The following PSMA1 variants were observed in gnomAD, a reference collection of about 807,000 sequenced individuals.
PSMA1 encodes the protein proteasome 20S subunit alpha 1.
PSMA1 carries 3 observed loss-of-function variants against 38.4 expected under a neutral mutation model. The observed-to-expected ratio is 0.08, with a 90% CI of 0.04 to 0.20. PSMA1 has a LOEUF of 0.20. Among genes scored for constraint, PSMA1 ranks in the 10% least tolerant of loss-of-function variants. The pLI, the probability that PSMA1 is intolerant of heterozygous loss-of-function variation, is 1.00. For synonymous variants in PSMA1, 101 were observed against 107.1 expected (o/e 0.94, Z 0.35); for missense variants, 227 against 325.3 (o/e 0.70, Z 2.32).
At chr11:14,592,390 A>C (rs1400374082) in intron 2 of PSMA1, among the ~76,000 whole-genome samples, 6 of 138,992 alleles carry the variant, frequency 4.3e-5, no homozygotes, top group African/African-American at 1.1e-4. Context: ...ATATATATAT[A>C]TATATTTTTT....
rs1238094171 is a variant in PSMA1, at chr11:14,505,130, A to G, written c.*62T>C. 1 of 1,400,744 alleles carries G rather than the reference A, an allele frequency of 7.1e-7. No individual in the cohort carries two copies. Among genetic ancestry groups the G allele is most frequent in the East Asian group, 2.3e-5 (1 of 43,798 alleles). The allele number at this position is 1,400,744 out of a possible 1,614,324, so 86.8% of individuals were successfully genotyped here. A position where few individuals can be genotyped will look rare whatever the true frequency, so the allele number is the denominator to read the frequency against. ...TTGGTTCAAAGTATAGATTATTGTC[A>G]TCAGTATGTGGTGCCTGTATTCTTA... On this transcript the variant is annotated 3_prime_UTR_variant, in exon 10 of 10. Coordinates refer to ENST00000396394, the MANE Select transcript of PSMA1 (RefSeq NM_002786.4).
At chr11:14,513,939 T>A in intron 5 of PSMA1, 52 bp from the exon 6 acceptor site, 1 of 1,520,754 alleles carries the variant, frequency 6.6e-7, no homozygotes, top group Non-Finnish European at 8.8e-7. Flanking sequence ...ACTGTCTTTA[T>A]TTTCAAATTA....
intron 2 of PSMA1, among the ~76,000 whole-genome samples, chr11:14,542,170 A>C (rs1428411508): frequency 6.6e-6 from 1 of 152,218 alleles, no homozygotes; most frequent in African/African-American, 2.4e-5. Context: ...ATTACAGAAT[A>C]AAAATTATAA....
At chr11:14,532,376 G>A (rs1043542774) in intron 2 of PSMA1, among the ~76,000 whole-genome samples, 31 of 150,990 alleles carry the variant, frequency 2.1e-4, no homozygotes, top group African/African-American at 6.5e-4. Context: ...AGGCCAAGGC[G>A]GGCAGATCTC....
chr11:14,543,748 T>A (rs549746072), intron 2 of PSMA1, among the ~76,000 whole-genome samples: 2 of 152,220 alleles, frequency 1.3e-5, no homozygotes, highest in Non-Finnish European at 2.9e-5. Flanking sequence ...ACAATGTACA[T>A]CAGGTCCTTG....
intron 2 of PSMA1, among the ~76,000 whole-genome samples, chr11:14,566,764 T>TAA (rs5789842): frequency 0.12 from 18,037 of 152,050 alleles, 1,275 homozygotes; most frequent in African/African-American, 0.2. Flanking sequence ...AAACCATGAA[T>TAA]AAACAGGAGC....
intron 2 of PSMA1, among the ~76,000 whole-genome samples, chr11:14,546,974 A>G (rs1320192159): frequency 6.6e-6 from 1 of 152,248 alleles, no homozygotes; most frequent in African/African-American, 2.4e-5. Flanking sequence ...GTGCTAATAT[A>G]CACATGGTGA....
intron 2 of PSMA1, among the ~76,000 whole-genome samples, chr11:14,571,038 T>C (rs1189493973): frequency 6.6e-6 from 1 of 151,830 alleles, no homozygotes; most frequent in Non-Finnish European, 1.5e-5. Context: ...CAGAAGAGAG[T>C]GGGGGCCAAT....
upstream of PSMA1, among the ~76,000 whole-genome samples, chr11:14,523,792 A>G (rs1258219627): frequency 6.6e-6 from 1 of 151,392 alleles, no homozygotes; most frequent in Non-Finnish European, 1.5e-5. Flanking sequence ...TTTGTTGCCC[A>G]GGTTGGTCTC....
At position 14,534,820 on chromosome 11, in the gene PSMA1, G is replaced by T. The variant is rs186577219; in HGVS notation, c.22-15779C>A. Among the ~76,000 whole-genome samples, 31 of 152,262 alleles carry T rather than the reference G, an allele frequency of 2.0e-4. No individual in the cohort carries two copies. The highest frequency in any genetic ancestry group is 4.6e-4 in the Admixed American group (7 of 15,296). On this transcript the variant is annotated intron_variant, in intron 2 of 10. Transcript: ENST00000418988. This position sits in a 1 kb window ranked among gnomAD's most constrained non-coding sequence, Gnocchi z 4.5. The stretch of plus-strand genomic sequence containing the variant: ...TAGGAGGCCAGGTGCGGTGGCTCAC[G>T]CCTGTAATCCCAGCACTTTGGGAGG...
At position 14,526,719 on chromosome 11, in the gene PSMA1, A is replaced by AC. The variant is rs577153179; in HGVS notation, c.22-7679dup. 1.2e-4 allele frequency among the ~76,000 whole-genome samples: 18 copies of AC among 151,816 alleles called. No homozygotes were observed. In the South Asian group the frequency reaches 3.8e-3, roughly 32 times the overall value. On this transcript the variant is annotated intron_variant, in intron 2 of 10. Transcript: ENST00000418988. ...CACATTATTCTGGATACCACACCTG[A>AC]CCCCCATGACTGTATCTCTCTGATG...
chr11:14,520,271 C>T, intron 1 of PSMA1, 26 bp downstream of exon 1: 1 of 1,614,048 alleles, frequency 6.2e-7, no homozygotes, highest in Non-Finnish European at 8.5e-7. Flanking sequence ...TGCCCTAAAC[C>T]TTCCAGAGAT....
At chr11:14,559,459 TGG>T (rs1851983679) in intron 2 of PSMA1, among the ~76,000 whole-genome samples, 1 of 152,174 alleles carries the variant, frequency 6.6e-6, no homozygotes, top group South Asian at 2.1e-4. Flanking sequence ...TAGTTCACAA[TGG>T]GTGCGGGCAG....
intron 2 of PSMA1, among the ~76,000 whole-genome samples, chr11:14,597,474 AG>A (rs1265340156): frequency 6.6e-6 from 1 of 152,042 alleles, no homozygotes; most frequent in African/African-American, 2.4e-5. Context: ...TAGTCTTGGG[AG>A]GGTGTATGTG....
intron 2 of PSMA1, among the ~76,000 whole-genome samples, chr11:14,583,760 G>A (rs572962089): frequency 3.3e-5 from 5 of 152,146 alleles, no homozygotes; most frequent in African/African-American, 4.8e-5. Context: ...AAAAGTAGAC[G>A]TTTAAAAATA....
intron 2 of PSMA1, among the ~76,000 whole-genome samples, chr11:14,580,111 A>T (rs181214127): frequency 1.7e-4 from 26 of 152,336 alleles, no homozygotes; most frequent in African/African-American, 6.3e-4. Context: ...TCTGCAATAC[A>T]AATGTAATCA....
At chr11:14,594,436 T>C (rs1224853670) in intron 2 of PSMA1, among the ~76,000 whole-genome samples, 1 of 152,142 alleles carries the variant, frequency 6.6e-6, no homozygotes, top group East Asian at 1.9e-4. Context: ...GGTTCAGCTT[T>C]ACATTTCCAT....
intron 1 of PSMA1, among the ~76,000 whole-genome samples, chr11:14,642,775 T>C (rs539197616): frequency 6.6e-6 from 1 of 152,286 alleles, no homozygotes; most frequent in Admixed American, 6.5e-5. Context: ...GTTCTTTTCT[T>C]CTCGCTTTCA....
chr11:14,532,847 C>T (rs1290383217), intron 2 of PSMA1, among the ~76,000 whole-genome samples: 1 of 146,096 alleles, frequency 6.8e-6, no homozygotes, highest in Non-Finnish European at 1.5e-5. Flanking sequence ...GAGCCGACAT[C>T]TGCCACTGTA....
Sources: gnomAD v4.1 joint callset for allele counts (sites outside exome capture counted in the v4.1 genomes callset) on GRCh38, gnomAD v4.1.1 for gene constraint, Gnocchi (gnomAD v3.1) non-coding constraint, MANE v1.5 for transcripts, NCBI Gene and HGNC (gene_info 2026-07-23, HGNC 2026-07-21) for gene names.